The following ADAMTSL1 variants were observed in gnomAD, a reference collection of about 807,000 sequenced individuals.
The protein encoded by ADAMTSL1 is ADAMTS-like protein 1.
A neutral mutation model predicts 201.8 loss-of-function variants in ADAMTSL1; 126 were observed. The observed-to-expected ratio is 0.62, with a 90% CI of 0.54 to 0.72. ADAMTSL1 has a LOEUF of 0.72. Ranked by LOEUF, ADAMTSL1 falls within the 30% of genes least tolerant of loss-of-function variation. The pLI, the probability that ADAMTSL1 is intolerant of heterozygous loss-of-function variation, is 0.00. For synonymous variants in ADAMTSL1, 1,121 were observed against 903.4 expected (o/e 1.24, Z -4.32); for missense variants, 2,679 against 2,277.8 (o/e 1.18, Z -3.59).
At chr9:18,295,057 T>A (rs1833420738) in intron 2 of ADAMTSL1, among the ~76,000 whole-genome samples, 2 of 152,156 alleles carry the variant, frequency 1.3e-5, no homozygotes, top group African/African-American at 4.8e-5. Context: ...CCATTTCCTC[T>A]TGCTGTATGT....
intron 2 of ADAMTSL1, among the ~76,000 whole-genome samples, chr9:18,195,217 A>G (rs150039230): frequency 1.3e-5 from 2 of 152,258 alleles, no homozygotes; most frequent in African/African-American, 4.8e-5. Context: ...TAGTTCTTCA[A>G]TGGAAGTGGT....
intron 7 of ADAMTSL1, among the ~76,000 whole-genome samples, chr9:18,650,362 G>T (rs890915457): frequency 6.6e-6 from 1 of 152,132 alleles, no homozygotes; most frequent in African/African-American, 2.4e-5. Flanking sequence ...GCAATGCCTC[G>T]CCCTGCTTCG....
chr9:18,287,596 CACAT>C (rs919261514), intron 2 of ADAMTSL1, among the ~76,000 whole-genome samples: 5 of 61,112 alleles, frequency 8.2e-5, no homozygotes, highest in African/African-American at 3.1e-4. Flanking sequence ...TATATATACA[CACAT>C]ATATGCATAT....
chr9:18,216,278 T>C (rs1309381869), intron 2 of ADAMTSL1, among the ~76,000 whole-genome samples: 1 of 152,176 alleles, frequency 6.6e-6, no homozygotes, highest in Non-Finnish European at 1.5e-5. Flanking sequence ...GGACAAAGAG[T>C]TTGCCTTTAA....
At chr9:18,785,487 C>T (rs1821656179) in intron 19 of ADAMTSL1, among the ~76,000 whole-genome samples, 1 of 152,230 alleles carries the variant, frequency 6.6e-6, no homozygotes, top group Non-Finnish European at 1.5e-5. Flanking sequence ...ATTACAATTG[C>T]TACATTTGTG....
Position 18,585,185 on chromosome 9 carries a change from T to C in ADAMTSL1, c.474+10919T>C, listed in dbSNP as rs561784486. ...TATTTTTATTCATGGAAGGGATTCT[T>C]CTGATATATTAACATTGTTTTCCAT... On this transcript the variant is annotated intron_variant, in intron 4 of 28. Transcript: ENST00000380548. Among the ~76,000 whole-genome samples the C allele has an allele frequency of 2.6e-5, 4 of 152,342 alleles. No homozygotes were observed. The East Asian group carries it at 7.7e-4, about 29-fold the overall frequency.
rs1554663724 is a variant in ADAMTSL1 at position 18,909,221 on chromosome 9, CAG to C, written c.*675_*676del. 1 of 152,868 alleles carries C rather than the reference CAG, an allele frequency of 6.5e-6. No homozygotes were observed. Among genetic ancestry groups the C allele is most frequent in the Non-Finnish European group, 1.5e-5 (1 of 68,576 alleles). The allele number at this position is 152,868 out of a possible 1,614,324, so 9.5% of individuals were successfully genotyped here. A position where few individuals can be genotyped will look rare whatever the true frequency, so the allele number is the denominator to read the frequency against. ...TGAGGAAGGGAGGGGAGGGAAGGGA[CAG>C]AAGCAAAAAGGAGCCTGTGGTGTTC... On this transcript the variant is annotated 3_prime_UTR_variant, in exon 29 of 29. Coordinates refer to ENST00000380548, the MANE Select transcript of ADAMTSL1 (RefSeq NM_001040272.6).
intron 3 of ADAMTSL1, among the ~76,000 whole-genome samples, chr9:18,541,682 C>T (rs1564030833): frequency 1.3e-5 from 2 of 152,218 alleles, no homozygotes; most frequent in African/African-American, 4.8e-5. Context: ...TATGTGCTTT[C>T]AAACGCGTTT....
chr9:18,599,138 C>G (rs1330949681), intron 4 of ADAMTSL1, among the ~76,000 whole-genome samples: 1 of 152,150 alleles, frequency 6.6e-6, no homozygotes, highest in Non-Finnish European at 1.5e-5. Context: ...ATGCAATAGT[C>G]TTTTATTGAG....
chr9:18,371,856 G>C (rs558265606), intron 2 of ADAMTSL1, among the ~76,000 whole-genome samples: 27 of 152,130 alleles, frequency 1.8e-4, no homozygotes, highest in Non-Finnish European at 2.5e-4. Context: ...TAAATAAAAC[G>C]AAGTTTCTTC....
In ADAMTSL1 at chr9:18,908,586, G is replaced by A. The variant is rs1031838783; in HGVS notation, c.*38G>A. 8.7e-6 allele frequency: 13 copies of A among 1,502,448 alleles called. No individual in the cohort carries two copies. The highest frequency in any genetic ancestry group is 3.7e-5 in the South Asian group (3 of 81,756). 93.1% of individuals were successfully genotyped at this position (1,502,448 alleles called of 1,614,324 possible). A position where few individuals can be genotyped will look rare whatever the true frequency, so the allele number is the denominator to read the frequency against. ...GGGAAAAACTCTACCCTGGCCACAC[G>A]AAGGACTCACGCAACCACCTCGGAC... On this transcript the variant is annotated 3_prime_UTR_variant, in exon 29 of 29. Transcript: ENST00000380548.
At chr9:17,952,889 G>A (rs1224992880) in intron 1 of ADAMTSL1, among the ~76,000 whole-genome samples, 1 of 150,100 alleles carries the variant, frequency 6.7e-6, no homozygotes, top group African/African-American at 2.5e-5. Context: ...GTCTTATCTG[G>A]AAAGCAGTTT....
At chr9:18,651,326 T>C (rs892360214) in intron 7 of ADAMTSL1, 1 of 152,228 alleles carries the variant, frequency 6.6e-6, no homozygotes, top group African/African-American at 2.4e-5. Flanking sequence ...AGAAGAGTCC[T>C]CCTTAGTCAT....
intron 2 of ADAMTSL1, among the ~76,000 whole-genome samples, chr9:18,264,067 C>T (rs1421471592): frequency 1.3e-5 from 2 of 152,172 alleles, no homozygotes; most frequent in African/African-American, 4.8e-5. Flanking sequence ...CAGTTAGCTA[C>T]CTCCTACATT....
chr9:18,334,531 T>G (rs996657629), intron 2 of ADAMTSL1, among the ~76,000 whole-genome samples: 11 of 152,208 alleles, frequency 7.2e-5, no homozygotes, highest in African/African-American at 2.7e-4. Context: ...GGATTGTAAA[T>G]TTAAAACTCT....
At chr9:18,016,046 T>C (rs1820247683) in intron 1 of ADAMTSL1, among the ~76,000 whole-genome samples, 1 of 152,064 alleles carries the variant, frequency 6.6e-6, no homozygotes, top group Non-Finnish European at 1.5e-5. Context: ...AGGTAACAAA[T>C]ACTTGATCAT....
At chr9:18,497,195 G>A (rs1421257095) in intron 1 of ADAMTSL1, among the ~76,000 whole-genome samples, 1 of 152,222 alleles carries the variant, frequency 6.6e-6, no homozygotes, top group Non-Finnish European at 1.5e-5. Flanking sequence ...CACACCTGAG[G>A]TGAAATAGTA....
At chr9:18,456,452 C>T (rs1017268283) in intron 2 of ADAMTSL1, among the ~76,000 whole-genome samples, 79 of 152,272 alleles carry the variant, frequency 5.2e-4, no homozygotes, top group African/African-American at 1.8e-3. Context: ...ATCTCTTACA[C>T]AGGCTGCCAA....
At chr9:18,471,664 C>A (rs1821218821), upstream of ADAMTSL1, among the ~76,000 whole-genome samples, 1 of 152,164 alleles carries the variant, frequency 6.6e-6, no homozygotes, top group African/African-American at 2.4e-5. Context: ...TTCCTAGTTT[C>A]TCTGGGTATT....
Sources: gnomAD v4.1 joint callset for allele counts (sites outside exome capture counted in the v4.1 genomes callset) on GRCh38, gnomAD v4.1.1 for gene constraint, MANE v1.5 for transcripts, NCBI Gene and HGNC (gene_info 2026-07-23, HGNC 2026-07-21) for gene names.